The following TRHDE variants were observed in gnomAD, a reference collection of about 807,000 sequenced individuals.
TRHDE encodes thyrotropin-releasing hormone-degrading ectoenzyme.
TRHDE carries 72 observed loss-of-function variants against 125.7 expected under a neutral mutation model. The ratio of observed to expected loss-of-function variants is 0.57; its 90% CI spans 0.47 to 0.70. The LOEUF is 0.70. TRHDE is among the 30% of genes least tolerant of loss of function. The pLI, the probability that TRHDE is intolerant of heterozygous loss-of-function variation, is 0.00. For missense variants in TRHDE, 1,110 were observed against 1,327.1 expected, an observed-to-expected ratio of 0.84 and a Z score of 2.54; for synonymous variants, 509 against 509.1, an observed-to-expected ratio of 1.00 and a Z score of 0.00.
At chr12:72,309,144 T>G (rs1868421322) in intron 2 of TRHDE, among the ~76,000 whole-genome samples, 2 of 152,166 alleles carry the variant, frequency 1.3e-5, no homozygotes, top group South Asian at 4.1e-4. Context: ...TCCCTCTGTT[T>G]CCAGTCCCCA....
chr12:72,481,565 T>TC (rs1459676991), intron 5 of TRHDE, among the ~76,000 whole-genome samples: 1 of 151,360 alleles, frequency 6.6e-6, no homozygotes, highest in African/African-American at 2.4e-5. Flanking sequence ...ACAGTCTTTT[T>TC]TTTTTTTTTT....
At chr12:72,191,856 A>G (rs1877347389) in intron 2 of TRHDE, among the ~76,000 whole-genome samples, 1 of 152,200 alleles carries the variant, frequency 6.6e-6, no homozygotes, top group South Asian at 2.1e-4. Flanking sequence ...ATTATTTTTT[A>G]AAATCAGTGA....
intron 1 of TRHDE, among the ~76,000 whole-genome samples, chr12:72,281,866 C>T (rs1392718616): frequency 1.3e-5 from 2 of 152,158 alleles, no homozygotes; most frequent in African/African-American, 4.8e-5. Flanking sequence ...TAGTGAACTT[C>T]CGCAGAAATA....
intron 3 of TRHDE, among the ~76,000 whole-genome samples, chr12:72,381,461 T>A (rs1872174413): frequency 6.7e-6 from 1 of 149,898 alleles, no homozygotes; most frequent in African/African-American, 2.5e-5. Context: ...AGTGGCGGGA[T>A]CTCGGCTCAC....
chr12:72,476,559 A>G (rs1170119475), intron 5 of TRHDE, among the ~76,000 whole-genome samples: 1 of 152,200 alleles, frequency 6.6e-6, no homozygotes, highest in Non-Finnish European at 1.5e-5. Context: ...TGCATGGCTT[A>G]AGGTTCACTA....
intron 3 of TRHDE, among the ~76,000 whole-genome samples, chr12:72,387,008 T>C (rs945327068): frequency 6.6e-6 from 1 of 152,208 alleles, no homozygotes; most frequent in Non-Finnish European, 1.5e-5. Context: ...GCTATTTACA[T>C]TGGTAGTGGC....
intron 15 of TRHDE, among the ~76,000 whole-genome samples, chr12:72,628,229 A>C (rs1182453655): frequency 6.6e-6 from 1 of 151,890 alleles, no homozygotes; most frequent in African/African-American, 2.4e-5. Flanking sequence ...TAGTATTTTA[A>C]CTGTGATGAG....
intron 3 of TRHDE, among the ~76,000 whole-genome samples, chr12:72,379,508 G>A (rs975858725): frequency 3.3e-5 from 5 of 152,160 alleles, no homozygotes; most frequent in Non-Finnish European, 5.9e-5. Context: ...TCTACTCCAG[G>A]TATAACTGGC....
intron 2 of TRHDE, among the ~76,000 whole-genome samples, chr12:72,214,070 A>G (rs1039296199): frequency 1.3e-5 from 2 of 152,188 alleles, no homozygotes; most frequent in Admixed American, 1.3e-4. Flanking sequence ...AATGAAGATC[A>G]AGAATAAATA....
rs376395789 is a variant in TRHDE, at chr12:72,542,380, C to G, written c.1788+24C>G. 1.9e-6 allele frequency: 3 copies of G among 1,582,108 alleles called. No homozygotes were observed. The African/African-American group carries it at 4.1e-5, about 21-fold the overall frequency. Reference sequence around the variant, plus strand: ...AAGTAAGTAAAATGCTTTTTATTTTCTTTTACATTTTTCCTTGTCAATATA... The same window carrying G: ...AAGTAAGTAAAATGCTTTTTATTTTGTTTTACATTTTTCCTTGTCAATATA... On this transcript the variant is annotated intron_variant, in intron 7 of 18. Coordinates refer to ENST00000261180, the MANE Select transcript of TRHDE (RefSeq NM_013381.3).
chr12:72,257,814 TA>T (rs924785774), intron 2 of TRHDE: 2 of 152,116 alleles, frequency 1.3e-5, no homozygotes, highest in East Asian at 3.9e-4. Context: ...GTTTAGAAAA[TA>T]AAAAAGTTTA....
chr12:72,282,148 T>C (rs1879718831), intron 1 of TRHDE, among the ~76,000 whole-genome samples: 2 of 152,202 alleles, frequency 1.3e-5, no homozygotes, highest in South Asian at 4.1e-4. Flanking sequence ...TGATTTTGTT[T>C]AGGAAAGCAG....
intron 15 of TRHDE, among the ~76,000 whole-genome samples, chr12:72,635,110 T>G (rs1225191875): frequency 6.6e-5 from 10 of 150,694 alleles, no homozygotes; most frequent in African/African-American, 2.2e-4. Context: ...TAGTTTACAG[T>G]CCCACCAACA....
At chr12:72,201,869 C>A (rs950077778) in intron 2 of TRHDE, among the ~76,000 whole-genome samples, 3 of 152,182 alleles carry the variant, frequency 2.0e-5, no homozygotes, top group Non-Finnish European at 4.4e-5. Context: ...ATAGCCACAT[C>A]CTGTCATTTA....
At chr12:72,322,393 G>T (rs547603628) in intron 2 of TRHDE, among the ~76,000 whole-genome samples, 50 of 152,134 alleles carry the variant, frequency 3.3e-4, no homozygotes, top group African/African-American at 1.1e-3. Context: ...GTGCAAGAAG[G>T]CTGCCATATA....
At chr12:72,142,329 T>C (rs895646048) in intron 2 of TRHDE, among the ~76,000 whole-genome samples, 3 of 152,140 alleles carry the variant, frequency 2.0e-5, no homozygotes, top group Admixed American at 6.5e-5. Flanking sequence ...CTAAAGTCTT[T>C]TTAATAAACC....
intron 2 of TRHDE, among the ~76,000 whole-genome samples, chr12:72,159,334 G>A (rs1480707506): frequency 1.3e-5 from 2 of 152,202 alleles, no homozygotes; most frequent in Admixed American, 1.3e-4. Flanking sequence ...CTACTTTGTA[G>A]AGGAAGATCA....
intron 6 of TRHDE, among the ~76,000 whole-genome samples, chr12:72,507,951 G>C (rs1878426455): frequency 6.6e-6 from 1 of 152,222 alleles, no homozygotes; most frequent in Admixed American, 6.5e-5. Context: ...GGTATAGCTT[G>C]GGTCATAGCT....
At chr12:72,445,707 A>T (rs1377052207) in intron 3 of TRHDE, among the ~76,000 whole-genome samples, 2 of 152,004 alleles carry the variant, frequency 1.3e-5, no homozygotes, top group Admixed American at 1.3e-4. Flanking sequence ...ATCAGACATT[A>T]CAAATGGACA....
Sources: allele counts gnomAD v4.1 joint callset (sites outside exome capture counted in the v4.1 genomes callset), GRCh38; gene constraint gnomAD v4.1.1; transcripts MANE v1.5; gene names NCBI Gene and HGNC (gene_info 2026-07-23, HGNC 2026-07-21).